SHB: variants seen among roughly 807,000 people sequenced by gnomAD.
The protein encoded by SHB is SH2 domain containing adaptor protein B.
Under a neutral mutation model 52.3 loss-of-function variants are expected in SHB, and 20 were observed. The ratio of observed to expected loss-of-function variants is 0.38; its 90% confidence interval spans 0.27 to 0.56. The LOEUF (loss-of-function observed/expected upper bound fraction) is 0.56, where lower values mean the gene tolerates loss of function less well. Among genes scored for constraint, SHB ranks in the 20% least tolerant of loss-of-function variants. SHB has a pLI of 0.71. For missense variants in SHB, 825 were observed against 723.3 expected, an observed-to-expected ratio of 1.14 and a Z score of -1.61; for synonymous variants, 397 against 316.5, an observed-to-expected ratio of 1.25 and a Z score of -2.70.
chr9:38,002,139 G>C (rs190795592), intron 2 of SHB, among the ~76,000 whole-genome samples: 1 of 152,268 alleles, frequency 6.6e-6, no homozygotes, highest in East Asian at 1.9e-4. Context: ...TTAAAAAAAG[G>C]ATAGCAAGGA....
chr9:38,034,355 T>G (rs1449665409), intron 1 of SHB, among the ~76,000 whole-genome samples: 1 of 152,190 alleles, frequency 6.6e-6, no homozygotes. Flanking sequence ...GCAAGGACAG[T>G]GATAATGATG....
intron 1 of SHB, among the ~76,000 whole-genome samples, chr9:38,027,749 G>A (rs953853724): frequency 1.3e-5 from 2 of 151,940 alleles, no homozygotes; most frequent in African/African-American, 2.4e-5. Flanking sequence ...AGCTCCTGGT[G>A]TAGGCAGAGC....
intron 2 of SHB, among the ~76,000 whole-genome samples, chr9:37,981,394 T>C (rs1444439950): frequency 1.3e-5 from 2 of 152,206 alleles, no homozygotes; most frequent in Non-Finnish European, 2.9e-5. Flanking sequence ...CTTCCTCCAC[T>C]CTCTCAGCCT....
At chr9:38,067,601 G>A (rs974644729) in intron 1 of SHB, among the ~76,000 whole-genome samples, 1 of 152,154 alleles carries the variant, frequency 6.6e-6, no homozygotes, top group African/African-American at 2.4e-5. Flanking sequence ...AAAGCTCTTC[G>A]AAGTCCTAGA....
In SHB at chr9:37,950,708, G is replaced by A. The variant is rs1327814537; in HGVS notation, c.1227-1954C>T. Among the ~76,000 whole-genome samples the A allele has an allele frequency of 2.6e-5, 4 of 152,156 alleles. No homozygotes were observed. In the East Asian group the frequency reaches 7.7e-4, roughly 29 times the overall value. ...ACTGACCAGGCGGCTTCTATTAAGC[G>A]AGGATCATGCCAACCTCTCTTGGGT... is the stretch of plus-strand genomic sequence containing the variant. On this transcript the variant is annotated intron_variant, in intron 4 of 5. Coordinates refer to ENST00000377707, the MANE Select transcript of SHB (RefSeq NM_003028.3).
At chr9:38,026,831 T>G (rs986374609) in intron 1 of SHB, among the ~76,000 whole-genome samples, 2 of 152,194 alleles carry the variant, frequency 1.3e-5, no homozygotes, top group Non-Finnish European at 2.9e-5. Context: ...GTGATGGTGT[T>G]TATCGCTGTT....
chr9:38,028,017 C>T (rs1381297518), intron 1 of SHB, among the ~76,000 whole-genome samples: 2 of 152,122 alleles, frequency 1.3e-5, no homozygotes, highest in African/African-American at 4.8e-5. Context: ...CACACCCCAT[C>T]TCCCACCTAG....
intron 2 of SHB, among the ~76,000 whole-genome samples, chr9:37,984,899 C>T (rs977077835): frequency 2.6e-5 from 4 of 152,154 alleles, no homozygotes; most frequent in Admixed American, 2.0e-4. Context: ...CATGGAAGAG[C>T]AGGGCTGCAG....
intron 5 of SHB, among the ~76,000 whole-genome samples, chr9:37,944,834 C>G (rs1344831813): frequency 6.6e-6 from 1 of 152,188 alleles, no homozygotes; most frequent in South Asian, 2.1e-4. Flanking sequence ...TCAGGTGCAG[C>G]CTTCTCCCTG....
chr9:38,005,776 C>T (rs1821069998), intron 2 of SHB, among the ~76,000 whole-genome samples: 1 of 152,146 alleles, frequency 6.6e-6, no homozygotes, highest in Non-Finnish European at 1.5e-5. Flanking sequence ...GGGCAAATCA[C>T]GGAATCTCCT....
intron 1 of SHB, among the ~76,000 whole-genome samples, chr9:38,041,724 C>T (rs1029803103): frequency 6.6e-6 from 1 of 152,092 alleles, no homozygotes; most frequent in African/African-American, 2.4e-5. Flanking sequence ...CTGGTTCAGG[C>T]TTATGCTTTG....
Position 38,016,014 on chromosome 9 carries a change from T to C in SHB, c.835A>G (p.Thr279Ala), listed in dbSNP as rs1282017608. The change falls in exon 2 of 6, where the codon ACA (threonine) becomes GCA (alanine). Residue 279 changes from threonine (T) to alanine (A), a missense_variant. Physicochemically the swap from Thr to Ala is moderately conservative, Grantham distance 58. Coordinates refer to ENST00000377707, the MANE Select transcript of SHB (RefSeq NM_003028.3). ...CCTGCGCTTCAGCTCCACTTACCTG[T>C]CATGATCCTCTGTGCCTCATAGGGC... is the stretch of plus-strand genomic sequence containing the variant. ...MEPYEAQRIM[T>A]EFQRQESVRS... 6.2e-7 allele frequency: 1 copy of C among 1,614,036 alleles called. No individual in the cohort carries two copies. The highest frequency in any genetic ancestry group is 8.5e-7 in the Non-Finnish European group (1 of 1,179,998).
chr9:38,056,303 A>T (rs543742261), intron 1 of SHB, among the ~76,000 whole-genome samples: 6 of 152,182 alleles, frequency 3.9e-5, no homozygotes, highest in African/African-American at 1.4e-4. Context: ...CCATCAAAGT[A>T]TTAGAAGAAA....
intron 1 of SHB, among the ~76,000 whole-genome samples, chr9:38,028,499 G>A (rs1444138326): frequency 2.0e-5 from 3 of 152,230 alleles, no homozygotes; most frequent in Non-Finnish European, 2.9e-5. Context: ...GCCACCCTCA[G>A]TGATACCCTT....
chr9:37,997,544 G>A (rs1261942486), intron 2 of SHB, among the ~76,000 whole-genome samples: 1 of 152,192 alleles, frequency 6.6e-6, no homozygotes, highest in Non-Finnish European at 1.5e-5. Context: ...TGTCAGACCT[G>A]AGTCCACATC....
At chr9:38,007,124 T>C (rs1455855497) in intron 2 of SHB, among the ~76,000 whole-genome samples, 1 of 152,222 alleles carries the variant, frequency 6.6e-6, no homozygotes, top group Admixed American at 6.5e-5. Flanking sequence ...TGCCAGCACA[T>C]GGCAGGTGCT....
At chr9:38,023,589 G>A (rs1483506404) in intron 1 of SHB, among the ~76,000 whole-genome samples, 1 of 152,120 alleles carries the variant, frequency 6.6e-6, no homozygotes, top group African/African-American at 2.4e-5. Flanking sequence ...AGGGAAAATG[G>A]GTACAATTAT....
chr9:37,956,667 G>C (rs1255078932), intron 3 of SHB, among the ~76,000 whole-genome samples: 3 of 152,178 alleles, frequency 2.0e-5, no homozygotes, highest in African/African-American at 7.2e-5. Context: ...GGGCCTGTGG[G>C]AGCATCGTTC....
At chr9:38,054,167 G>A (rs950653506) in intron 1 of SHB, among the ~76,000 whole-genome samples, 1 of 152,230 alleles carries the variant, frequency 6.6e-6, no homozygotes, top group African/African-American at 2.4e-5. Context: ...TAAAGCCAGT[G>A]AGTGTTTCAT....
Sources: allele counts gnomAD v4.1 joint callset (sites outside exome capture counted in the v4.1 genomes callset), GRCh38; gene constraint gnomAD v4.1.1; transcripts MANE v1.5; gene names NCBI Gene and HGNC (gene_info 2026-07-23, HGNC 2026-07-21).